Variants in SUGCT observed in about 807,000 individuals in gnomAD.
SUGCT encodes succinyl-CoA:glutarate CoA-transferase.
In SUGCT, 41 loss-of-function variants were observed where a neutral mutation model predicts 55.0. The observed-to-expected ratio is 0.74, with a 90% CI of 0.58 to 0.97. The LOEUF is 0.97. SUGCT is among the 50% of genes least tolerant of loss of function. The pLI, the probability that SUGCT is intolerant of heterozygous loss-of-function variation, is 0.00. For synonymous variants in SUGCT, 187 were observed against 200.4 expected, an observed-to-expected ratio of 0.93 and a Z score of 0.56; for missense variants, 568 against 547.8, an observed-to-expected ratio of 1.04 and a Z score of -0.37.
chr7:40,668,249 G>T (rs1015058095), intron 12 of SUGCT, among the ~76,000 whole-genome samples: 1 of 152,108 alleles, frequency 6.6e-6, no homozygotes, highest in Non-Finnish European at 1.5e-5. Context: ...TTTGAGTTCA[G>T]AATTTTAAAA....
At chr7:40,934,131 C>G in the SUGCT span, among the ~76,000 whole-genome samples, 6 of 152,140 alleles carry the variant, frequency 3.9e-5, no homozygotes, top group Non-Finnish European at 8.8e-5. Context: ...GATTGGATGT[C>G]CTTTTTGTTG....
At chr7:40,910,211 G>A in the SUGCT span, among the ~76,000 whole-genome samples, 2 of 151,818 alleles carry the variant, frequency 1.3e-5, no homozygotes, top group Admixed American at 6.6e-5. Flanking sequence ...TTGGAGACAG[G>A]AAGCAATGGC....
the SUGCT span, among the ~76,000 whole-genome samples, chr7:41,037,911 C>T: frequency 1.3e-5 from 2 of 151,954 alleles, no homozygotes; most frequent in South Asian, 2.1e-4. Flanking sequence ...GTTGTGTTTT[C>T]GACATTTGGT....
At chr7:40,285,278 C>G (rs536853028) in intron 8 of SUGCT, among the ~76,000 whole-genome samples, 62 of 152,042 alleles carry the variant, frequency 4.1e-4, no homozygotes, top group Non-Finnish European at 2.6e-4. Context: ...TAGATTTTGT[C>G]CTTGGAGAAC....
chr7:40,873,535 C>T, the SUGCT span, among the ~76,000 whole-genome samples: 5 of 152,346 alleles, frequency 3.3e-5, no homozygotes, highest in East Asian at 1.9e-4. Context: ...TTTTAACCTA[C>T]GCCCTTCTTG....
chr7:40,640,675 C>T (rs929405646), intron 12 of SUGCT, among the ~76,000 whole-genome samples: 1 of 152,224 alleles, frequency 6.6e-6, no homozygotes, highest in Non-Finnish European at 1.5e-5. Context: ...AACACATACA[C>T]ATGCACACAC....
At chr7:40,172,234 G>T (rs1443207594) in intron 1 of SUGCT, among the ~76,000 whole-genome samples, 3 of 152,190 alleles carry the variant, frequency 2.0e-5, no homozygotes, top group Non-Finnish European at 4.4e-5. Context: ...GTATTGCAGT[G>T]GGGGAAGCTG....
chr7:40,940,809 T>G, the SUGCT span, among the ~76,000 whole-genome samples: 1 of 151,722 alleles, frequency 6.6e-6, no homozygotes, highest in African/African-American at 2.4e-5. Flanking sequence ...TGGACAATCT[T>G]TAGAGTTTTC....
chr7:40,768,971 C>A (rs781101773), intron 13 of SUGCT, among the ~76,000 whole-genome samples: 2 of 152,040 alleles, frequency 1.3e-5, no homozygotes, highest in African/African-American at 2.4e-5. Flanking sequence ...TAGGAGAAGT[C>A]TTGACTACAG....
rs148955595 is a variant in SUGCT at position 40,476,437 on chromosome 7, A to G, written c.986+17239A>G. ...GTTGAGGAAAAAAAATATGATGATG[A>G]GGGAAAAAATTTCTTCACAAATTGT... On this transcript the variant is annotated intron_variant, in intron 11 of 13. Transcript: ENST00000335693. Among the ~76,000 whole-genome samples the G allele has an allele frequency of 1.5e-3, 232 of 152,276 alleles. 1 individual carries two copies. Among genetic ancestry groups the G allele is most frequent in the African/African-American group, 5.5e-3 (227 of 41,548 alleles).
Position 40,218,453 on chromosome 7 carries a change from C to T in SUGCT, c.485-19182C>T, listed in dbSNP as rs185741935. On this transcript the variant is annotated intron_variant, in intron 6 of 13. Coordinates refer to ENST00000335693, the MANE Select transcript of SUGCT (RefSeq NM_001193313.2). Reference sequence around the variant, plus strand: ...GTTAGGTGACATTGTCTCTTTGGGACGTTGTTGAGCGGTGAAGCCAGCTGG... The same window carrying T: ...GTTAGGTGACATTGTCTCTTTGGGATGTTGTTGAGCGGTGAAGCCAGCTGG... 3.9e-5 allele frequency among the ~76,000 whole-genome samples: 6 copies of T among 152,228 alleles called. No homozygotes were observed. The East Asian group carries it at 5.8e-4, about 15-fold the overall frequency.
intron 13 of SUGCT, among the ~76,000 whole-genome samples, chr7:40,790,332 C>A (rs1049069547): frequency 1.2e-4 from 19 of 152,112 alleles, no homozygotes; most frequent in African/African-American, 4.3e-4. Context: ...TGTTTGCCTC[C>A]CCTTCCACCA....
At chr7:40,457,064 CTT>C (rs377652459) in intron 10 of SUGCT, among the ~76,000 whole-genome samples, 4 of 147,952 alleles carry the variant, frequency 2.7e-5, no homozygotes, top group African/African-American at 9.9e-5. Flanking sequence ...TTGTTATTTT[CTT>C]TTTTTTTTGT....
At chr7:40,590,206 A>C (rs1033800721) in intron 12 of SUGCT, among the ~76,000 whole-genome samples, 25 of 152,320 alleles carry the variant, frequency 1.6e-4, no homozygotes, top group African/African-American at 5.8e-4. Flanking sequence ...TCTAGTGATC[A>C]GCTGTTCCCC....
the SUGCT span, among the ~76,000 whole-genome samples, chr7:40,924,261 A>G: frequency 1.3e-5 from 1 of 78,768 alleles, no homozygotes; most frequent in Non-Finnish European, 2.3e-5. Flanking sequence ...GGATCTTTCA[A>G]TTACGTGTGT....
At chr7:40,992,628 GT>G in the SUGCT span, among the ~76,000 whole-genome samples, 28 of 151,926 alleles carry the variant, frequency 1.8e-4, no homozygotes, top group Non-Finnish European at 2.8e-4. Flanking sequence ...TCTGAAAAGG[GT>G]TTTTCTGGGA....
chr7:40,512,515 G>A (rs1792984477), intron 12 of SUGCT, among the ~76,000 whole-genome samples: 1 of 152,152 alleles, frequency 6.6e-6, no homozygotes, highest in South Asian at 2.1e-4. Context: ...CGTTTACTCA[G>A]TGGGTGACTT....
At chr7:40,784,338 G>T (rs1250702156) in intron 13 of SUGCT, among the ~76,000 whole-genome samples, 1 of 152,134 alleles carries the variant, frequency 6.6e-6, no homozygotes, top group East Asian at 1.9e-4. Flanking sequence ...CTTGGACAGG[G>T]CTAAGAGCAT....
chr7:40,278,456 G>A (rs781002229), intron 8 of SUGCT, among the ~76,000 whole-genome samples: 105 of 152,114 alleles, frequency 6.9e-4, no homozygotes, highest in Non-Finnish European at 7.5e-4. Flanking sequence ...AAATCATGCT[G>A]CTATAAAGAC....
Sources: gnomAD v4.1 joint callset for allele counts (sites outside exome capture counted in the v4.1 genomes callset) on GRCh38, gnomAD v4.1.1 for gene constraint, MANE v1.5 for transcripts, NCBI Gene and HGNC (gene_info 2026-07-23, HGNC 2026-07-21) for gene names.